Variants in GUCA1B observed in about 807,000 individuals in gnomAD.
GUCA1B encodes guanylate cyclase activator 1B, also known as guanylyl cyclase-activating protein 2.
GUCA1B carries 22 observed loss-of-function variants against 24.2 expected under a neutral mutation model. That is an observed-to-expected ratio of 0.91 (90% CI 0.65 to 1.30). The LOEUF is 1.30. Ranked by LOEUF, GUCA1B falls within the 50% of genes most tolerant of loss-of-function variation. GUCA1B has a pLI of 0.00. For synonymous variants in GUCA1B, 100 were observed against 97.9 expected, an observed-to-expected ratio of 1.02 and a Z score of -0.13; for missense variants, 221 against 258.8, an observed-to-expected ratio of 0.85 and a Z score of 1.00.
At position 42,183,744 on chromosome 6, in the gene GUCA1B, C is replaced by T. The variant is rs1768144432; in HGVS notation, c.*1071G>A. On this transcript the variant is annotated 3_prime_UTR_variant, in exon 4 of 4. Coordinates refer to ENST00000230361, the MANE Select transcript of GUCA1B (RefSeq NM_002098.6). ...GAGACAGACAGAAGTTTTCTCCATCCTTTAAAGAGAAACATTCAGCTTATG... is the reference window on the plus strand; with the variant it reads ...GAGACAGACAGAAGTTTTCTCCATCTTTTAAAGAGAAACATTCAGCTTATG... 6.6e-6 allele frequency among the ~76,000 whole-genome samples: 1 copy of T among 152,112 alleles called. No homozygotes were observed. The highest frequency in any genetic ancestry group is 1.5e-5 in the Non-Finnish European group (1 of 68,032).
chr6:42,188,687 G>GACACT lies in GUCA1B; in HGVS notation c.251_252insAGTGT (p.Leu86SerfsTer3). The GACACT allele has an allele frequency of 1.9e-6, 3 of 1,613,958 alleles. No homozygotes were observed. Among genetic ancestry groups the GACACT allele is most frequent in the Non-Finnish European group, 2.5e-6 (3 of 1,179,866 alleles). On this transcript the variant is annotated frameshift_variant, in exon 2 of 4. Transcript: ENST00000230361. LOFTEE classifies it high-confidence loss of function. The stretch of plus-strand genomic sequence containing the variant: ...TGTGCTCCAGGGTGCCCCTCAGCAC[G>GACACT]AGATTCAGAGCTGCCACGTACTCCA...
intron 1 of GUCA1B, among the ~76,000 whole-genome samples, chr6:42,189,350 C>T (rs1280069876): frequency 6.6e-6 from 1 of 152,206 alleles, no homozygotes; most frequent in Non-Finnish European, 1.5e-5. Context: ...GAGGGGTTGA[C>T]ATTGCTTGGG....
intron 1 of GUCA1B, 84 bp from the exon 2 acceptor site, chr6:42,188,815 C>A: frequency 7.6e-7 from 1 of 1,320,276 alleles, no homozygotes. Flanking sequence ...CAGGGCTTCT[C>A]CTCCTCCTTT....
rs776310393 is a variant in GUCA1B at position 42,184,761 on chromosome 6, C to T, written c.*54G>A. The T allele has an allele frequency of 1.9e-6, 3 of 1,580,386 alleles. No homozygotes were observed. In the East Asian group the frequency reaches 6.7e-5, roughly 35 times the overall value. Reference sequence around the variant, plus strand: ...TGAGCAGGCTGAGCCAGGGACCCTCCTACTACCCTGGAAACCTGGGTGAGC... The same window carrying T: ...TGAGCAGGCTGAGCCAGGGACCCTCTTACTACCCTGGAAACCTGGGTGAGC... On this transcript the variant is annotated 3_prime_UTR_variant, in exon 4 of 4. Transcript: ENST00000230361.
Position 42,184,904 on chromosome 6 carries a change from G to A in GUCA1B, c.514C>T (p.Arg172Trp), listed in dbSNP as rs755162612. Residue 172 changes from arginine to tryptophan, a missense_variant, in exon 4 of 4, where the codon CGG becomes TGG. Transcript: ENST00000230361. ...AGCATCTTCATCACCCACTTGTCCC[G>A]ACGGGCACCTTCAACAAACTCGTTC... ...SLNEFVEGAR[R>W]DKWVMKMLQM... 1.3e-5 allele frequency: 21 copies of A among 1,613,914 alleles called. No homozygotes were observed. The East Asian group carries it at 2.9e-4, about 22-fold the overall frequency.
chr6:42,193,525 C>T (rs1768345073), intron 1 of GUCA1B, among the ~76,000 whole-genome samples: 1 of 152,226 alleles, frequency 6.6e-6, no homozygotes, highest in Admixed American at 6.5e-5. Context: ...TAACAAAAGT[C>T]TGCCCCTCCC....
At position 42,183,320 on chromosome 6, in the gene GUCA1B, A is replaced by C. The variant is rs1030029227; in HGVS notation, c.*1495T>G. Among the ~76,000 whole-genome samples, 8 of 152,202 alleles carry C rather than the reference A, an allele frequency of 5.3e-5. No homozygotes were observed. Among genetic ancestry groups the C allele is most frequent in the Non-Finnish European group, 7.3e-5 (5 of 68,032 alleles). ...AGGTTAGTTTTATTTCTTATATACC[A>C]ACATAAAAACCTATCTATTCAAGGT... On this transcript the variant is annotated 3_prime_UTR_variant, in exon 4 of 4. Coordinates refer to ENST00000230361, the MANE Select transcript of GUCA1B (RefSeq NM_002098.6).
intron 1 of GUCA1B, among the ~76,000 whole-genome samples, chr6:42,193,450 A>C (rs1021591595): frequency 3.3e-5 from 5 of 152,234 alleles, no homozygotes; most frequent in Admixed American, 3.3e-4. Flanking sequence ...AGGCAGGAGC[A>C]CTTAAGACCT....
chr6:42,190,312 A>G (rs2113846991), intron 1 of GUCA1B, among the ~76,000 whole-genome samples: 1 of 150,544 alleles, frequency 6.6e-6, no homozygotes, highest in East Asian at 1.9e-4. Context: ...CTTCATTCTC[A>G]TGTAACATTT....
At chr6:42,192,823 C>G (rs1349349556) in intron 1 of GUCA1B, among the ~76,000 whole-genome samples, 1 of 151,994 alleles carries the variant, frequency 6.6e-6, no homozygotes, top group African/African-American at 2.4e-5. Context: ...CCTGGGAAAT[C>G]AGAGGCCGCA....
At chr6:42,185,554 T>A in intron 3 of GUCA1B, 126 bp downstream of exon 3, 1 of 705,390 alleles carries the variant, frequency 1.4e-6, no homozygotes, top group African/African-American at 1.7e-5. Context: ...TGACATCTTC[T>A]CCACAGCCTT....
At chr6:42,187,372 G>A (rs1768211620) in intron 2 of GUCA1B, among the ~76,000 whole-genome samples, 1 of 150,632 alleles carries the variant, frequency 6.6e-6, no homozygotes, top group African/African-American at 2.5e-5. Flanking sequence ...CCAAAGTGCT[G>A]GGATTACAGG....
intron 3 of GUCA1B, 50 bp from the exon 4 acceptor site, chr6:42,184,992 G>A: frequency 4.4e-6 from 7 of 1,599,322 alleles, no homozygotes; most frequent in Non-Finnish European, 6.0e-6. Context: ...GGAGACCTGG[G>A]TCTGGGGGCA....
At position 42,194,866 on chromosome 6, in the gene GUCA1B, C is replaced by G. The variant is rs545901720; in HGVS notation, c.-46G>C. ...GGGAGCAAGGGTCTGTATCTCCTCC[C>G]TGGCTTCTGCTGATGGATCTCTCCA... On this transcript the variant is annotated 5_prime_UTR_variant, in exon 1 of 4. Transcript: ENST00000230361. The G allele has an allele frequency of 7.4e-7, 1 of 1,354,674 alleles. No homozygotes were observed. The highest frequency in any genetic ancestry group is 1.0e-6 in the Non-Finnish European group (1 of 972,192). The allele number at this position is 1,354,674 out of a possible 1,614,324, so 83.9% of individuals were successfully genotyped here.
At chr6:42,184,979 A>C (rs1562062196) in intron 3 of GUCA1B, 37 bp from the exon 4 acceptor site, 2 of 1,610,638 alleles carry the variant, frequency 1.2e-6, no homozygotes, top group Admixed American at 1.7e-5. Context: ...ATGTAGAAGA[A>C]GGGGAGACCT....
In GUCA1B at chr6:42,184,852, C is replaced by T; in HGVS notation, c.566G>A (p.Trp189Ter). Residue 189 changes from tryptophan to a stop codon, truncating the protein, a stop_gained, in exon 4 of 4, where the codon TGG (tryptophan) becomes TAG (stop). Coordinates refer to ENST00000230361, the MANE Select transcript of GUCA1B (RefSeq NM_002098.6). LOFTEE classifies it high-confidence loss of function. ...MLQMDMNPSS[W>*]LAQQRRKSAM... ...ACTTTTCCGTCTCTGCTGAGCGAGC[C>T]AGCTGCTGGGATTCATGTCCATCTG... The T allele has an allele frequency of 1.9e-6, 3 of 1,614,092 alleles. No individual in the cohort carries two copies. The highest frequency in any genetic ancestry group is 2.5e-6 in the Non-Finnish European group (3 of 1,179,976).
Position 42,194,853 on chromosome 6 carries a change from C to T in GUCA1B, c.-33G>A, listed in dbSNP as rs753419402. ...CTGAGGAGCATCAGGGAGCAAGGGT[C>T]TGTATCTCCTCCCTGGCTTCTGCTG... is the stretch of plus-strand genomic sequence containing the variant. On this transcript the variant is annotated 5_prime_UTR_variant, in exon 1 of 4. Coordinates refer to ENST00000230361, the MANE Select transcript of GUCA1B (RefSeq NM_002098.6). The T allele has an allele frequency of 1.4e-6, 2 of 1,449,208 alleles. No individual in the cohort carries two copies. The highest frequency in any genetic ancestry group is 9.5e-7 in the Non-Finnish European group (1 of 1,055,810). The allele number at this position is 1,449,208 out of a possible 1,614,324, so 89.8% of individuals were successfully genotyped here. A position where few individuals can be genotyped will look rare whatever the true frequency, so the allele number is the denominator to read the frequency against.
At chr6:42,189,822 G>A (rs1482327469) in intron 1 of GUCA1B, among the ~76,000 whole-genome samples, 3 of 152,242 alleles carry the variant, frequency 2.0e-5, no homozygotes, top group East Asian at 3.8e-4. Flanking sequence ...TTCTCCAGAT[G>A]TGTTTGGGGT....
At chr6:42,184,987 C>G (rs763940886) in intron 3 of GUCA1B, 45 bp from the exon 4 acceptor site, 3 of 1,607,174 alleles carry the variant, frequency 1.9e-6, no homozygotes, top group Non-Finnish European at 8.5e-7. Context: ...GAAGGGGAGA[C>G]CTGGGTCTGG....
Sources: allele counts gnomAD v4.1 joint callset (sites outside exome capture counted in the v4.1 genomes callset), GRCh38; gene constraint gnomAD v4.1.1; transcripts MANE v1.5; gene names NCBI Gene and HGNC (gene_info 2026-07-23, HGNC 2026-07-21).